The following ADGRL2 variants were observed in gnomAD, a reference collection of about 807,000 sequenced individuals.
ADGRL2 encodes the protein adhesion G protein-coupled receptor L2.
A neutral mutation model predicts 157.4 loss-of-function variants in ADGRL2; 44 were observed. The ratio of observed to expected loss-of-function variants is 0.28; its 90% CI spans 0.22 to 0.36. The LOEUF is 0.36. ADGRL2 is among the 10% of genes least tolerant of loss of function. The pLI is 1.00. For synonymous variants in ADGRL2, 585 were observed against 624.7 expected, an observed-to-expected ratio of 0.94 and a Z score of 0.95; for missense variants, 1,510 against 1,768.9, an observed-to-expected ratio of 0.85 and a Z score of 2.63.
At chr1:81,972,042 C>G (rs1215467257) in intron 17 of ADGRL2, 124 bp downstream of exon 17, 1 of 499,786 alleles carries the variant, frequency 2.0e-6, no homozygotes, top group East Asian at 3.2e-5. Flanking sequence ...ATGCCTGTCT[C>G]ACAGGATAAT....
At chr1:81,340,582 G>A (rs1230256988) in intron 1 of ADGRL2, among the ~76,000 whole-genome samples, 1 of 152,106 alleles carries the variant, frequency 6.6e-6, no homozygotes. Context: ...AACCATCTCT[G>A]ACACTCATTT....
intron 2 of ADGRL2, among the ~76,000 whole-genome samples, chr1:81,568,396 A>T (rs1469981305): frequency 6.6e-6 from 1 of 152,088 alleles, no homozygotes; most frequent in Non-Finnish European, 1.5e-5. Context: ...TATTAATCCC[A>T]TCTAGCTTTT....
At chr1:81,324,718 G>A (rs912365625) in intron 1 of ADGRL2, among the ~76,000 whole-genome samples, 3 of 151,934 alleles carry the variant, frequency 2.0e-5, no homozygotes, top group African/African-American at 7.3e-5. Context: ...AGGGGGAGGT[G>A]AGGAAACTTT....
intron 3 of ADGRL2, among the ~76,000 whole-genome samples, chr1:81,665,927 G>A (rs1246667037): frequency 6.6e-6 from 1 of 152,104 alleles, no homozygotes; most frequent in Non-Finnish European, 1.5e-5. Flanking sequence ...GTGTTCTCGT[G>A]AATGAGCTCA....
intron 2 of ADGRL2, chr1:81,502,827 C>T: frequency 1.9e-6 from 3 of 1,612,498 alleles, no homozygotes; most frequent in Non-Finnish European, 1.7e-6. Context: ...CTGCTGCTGC[C>T]GCTGCCGAGG....
At chr1:81,630,618 A>G (rs981039191) in intron 3 of ADGRL2, among the ~76,000 whole-genome samples, 2 of 152,154 alleles carry the variant, frequency 1.3e-5, no homozygotes, top group Non-Finnish European at 2.9e-5. Context: ...TAAACTTTCC[A>G]CAATGAAACC....
intron 1 of ADGRL2, among the ~76,000 whole-genome samples, chr1:81,720,203 G>A (rs939313318): frequency 2.3e-5 from 3 of 128,184 alleles, no homozygotes; most frequent in Non-Finnish European, 4.9e-5. Context: ...TTTTTTTTGA[G>A]ACGTAATCTT....
chr1:81,322,376 A>G (rs1322694203), intron 1 of ADGRL2, among the ~76,000 whole-genome samples: 2 of 152,028 alleles, frequency 1.3e-5, no homozygotes, highest in Non-Finnish European at 2.9e-5. Context: ...TACGATACTT[A>G]GGAATAAAGG....
rs141374980 is a variant in ADGRL2, at chr1:81,910,736, T to TAA, written c.287+3515_287+3516dup. 5.1e-4 allele frequency among the ~76,000 whole-genome samples: 76 copies of TAA among 148,806 alleles called. No homozygotes were observed. The East Asian group carries it at 0.01, about 20-fold the overall frequency. The stretch of plus-strand genomic sequence containing the variant: ...TTATATAGAATAACTTGTCCTTTTT[T>TAA]AAAAAAAAAACTTAAAAATCCCAAA... On this transcript the variant is annotated intron_variant, in intron 3 of 23. Coordinates refer to ENST00000686636, the MANE Select transcript of ADGRL2 (RefSeq NM_001366006.2).
intron 2 of ADGRL2, among the ~76,000 whole-genome samples, chr1:81,768,068 CAA>C (rs1294705356): frequency 6.6e-6 from 1 of 151,990 alleles, no homozygotes. Flanking sequence ...TTTTTAGAGA[CAA>C]GACCTCACTT....
chr1:81,771,641 A>G (rs913868141), intron 2 of ADGRL2, among the ~76,000 whole-genome samples: 5 of 151,896 alleles, frequency 3.3e-5, no homozygotes, highest in African/African-American at 1.2e-4. Flanking sequence ...AAAGAGTCCA[A>G]GATAAGAATC....
rs542323774 is a variant in ADGRL2 at position 81,847,689 on chromosome 1, T to C, written c.73+10632T>C. ...CCTGAGTAACAATGCAGCCTGACCCTTTCTCCCTAATATTTCCCTCTATTC... is the reference window on the plus strand; with the variant it reads ...CCTGAGTAACAATGCAGCCTGACCCCTTCTCCCTAATATTTCCCTCTATTC... On this transcript the variant is annotated intron_variant, in intron 2 of 23. Coordinates refer to ENST00000686636, the MANE Select transcript of ADGRL2 (RefSeq NM_001366006.2). Among the ~76,000 whole-genome samples the C allele has an allele frequency of 2.0e-5, 3 of 152,004 alleles. No individual in the cohort carries two copies. In the East Asian group the frequency reaches 5.8e-4, roughly 29 times the overall value.
At chr1:81,843,844 A>C (rs1427669802) in intron 2 of ADGRL2, among the ~76,000 whole-genome samples, 1 of 152,040 alleles carries the variant, frequency 6.6e-6, no homozygotes, top group East Asian at 1.9e-4. Flanking sequence ...CAAGTGCTTG[A>C]TTGTCGATTT....
intron 1 of ADGRL2, among the ~76,000 whole-genome samples, chr1:81,829,915 T>C (rs547304743): frequency 1.3e-5 from 2 of 152,300 alleles, no homozygotes; most frequent in South Asian, 4.1e-4. Context: ...CACGATTCTA[T>C]AGTGTGCACT....
chr1:81,715,519 G>C (rs2084085818), intron 1 of ADGRL2, among the ~76,000 whole-genome samples: 1 of 152,034 alleles, frequency 6.6e-6, no homozygotes, highest in East Asian at 1.9e-4. Context: ...TCATCCTTAT[G>C]AATCTTTTCA....
chr1:81,880,108 TATA>T (rs2093948649), intron 2 of ADGRL2, among the ~76,000 whole-genome samples: 1 of 152,214 alleles, frequency 6.6e-6, no homozygotes. Context: ...CAATGGAAAT[TATA>T]ATTTTTCTGG....
intron 2 of ADGRL2, among the ~76,000 whole-genome samples, chr1:81,898,652 A>T (rs967100314): frequency 6.6e-6 from 1 of 152,188 alleles, no homozygotes; most frequent in Non-Finnish European, 1.5e-5. Context: ...GATTTTAAAA[A>T]TTGTGCTTAG....
chr1:81,858,982 G>C (rs137895752), intron 2 of ADGRL2, among the ~76,000 whole-genome samples: 3 of 152,114 alleles, frequency 2.0e-5, no homozygotes. Context: ...AGTGTTGACT[G>C]AGTAAATGTA....
At chr1:81,516,772 T>C (rs926857153) in intron 2 of ADGRL2, among the ~76,000 whole-genome samples, 2 of 152,184 alleles carry the variant, frequency 1.3e-5, no homozygotes, top group Non-Finnish European at 2.9e-5. Flanking sequence ...GAAAAGTGTA[T>C]AGACCCTGTG....
Sources: gnomAD v4.1 joint callset for allele counts (sites outside exome capture counted in the v4.1 genomes callset) on GRCh38, gnomAD v4.1.1 for gene constraint, MANE v1.5 for transcripts, NCBI Gene and HGNC (gene_info 2026-07-23, HGNC 2026-07-21) for gene names.